TACR1: variants seen among roughly 807,000 people sequenced by gnomAD.
TACR1 encodes the protein tachykinin receptor 1.
Under a neutral mutation model 35.8 loss-of-function variants are expected in TACR1, and 25 were observed. That is an observed-to-expected ratio of 0.70 (90% CI 0.51 to 0.98). The LOEUF (loss-of-function observed/expected upper bound fraction) is 0.98. Ranked by LOEUF, TACR1 falls within the 50% of genes least tolerant of loss-of-function variation. The pLI is 0.00. For synonymous variants in TACR1, 195 were observed against 206.7 expected (o/e 0.94, Z 0.48); for missense variants, 478 against 522.9 (o/e 0.91, Z 0.84).
Position 75,049,426 on chromosome 2 carries a change from T to C in TACR1, c.*6A>G, listed in dbSNP as rs375663081. ...TGGGGGCTGCACCTGCCAAAGGCCC[T>C]GTGGCCTAGGAGAGCACATTGGAGG... On this transcript the variant is annotated 3_prime_UTR_variant, in exon 5 of 5. Coordinates refer to ENST00000305249, the MANE Select transcript of TACR1 (RefSeq NM_001058.4). 1.1e-5 allele frequency: 17 copies of C among 1,606,356 alleles called. No homozygotes were observed. Among genetic ancestry groups the C allele is most frequent in the Non-Finnish European group, 1.4e-5 (16 of 1,173,830 alleles).
intron 1 of TACR1, among the ~76,000 whole-genome samples, chr2:75,121,362 C>T (rs1312900045): frequency 6.6e-6 from 1 of 152,174 alleles, no homozygotes; most frequent in African/African-American, 2.4e-5. Context: ...GCTAACTATA[C>T]ATACTTCGTG....
At chr2:75,093,887 A>G (rs1673359768) in intron 2 of TACR1, among the ~76,000 whole-genome samples, 1 of 152,098 alleles carries the variant, frequency 6.6e-6, no homozygotes, top group Non-Finnish European at 1.5e-5. Flanking sequence ...GGGTATTAGA[A>G]TTGATCTCGT....
At chr2:75,137,466 C>T (rs972429021) in intron 1 of TACR1, among the ~76,000 whole-genome samples, 1 of 151,960 alleles carries the variant, frequency 6.6e-6, no homozygotes, top group Non-Finnish European at 1.5e-5. Flanking sequence ...TGCCTCATGC[C>T]TTTAATCCCA....
intron 1 of TACR1, among the ~76,000 whole-genome samples, chr2:75,180,417 T>C (rs1675534740): frequency 6.6e-6 from 1 of 152,224 alleles, no homozygotes; most frequent in Non-Finnish European, 1.5e-5. Context: ...TTTGCAGTTC[T>C]TGTCACTGAA....
At chr2:75,136,126 G>A (rs1215310207) in intron 1 of TACR1, among the ~76,000 whole-genome samples, 2 of 152,174 alleles carry the variant, frequency 1.3e-5, no homozygotes, top group African/African-American at 4.8e-5. Flanking sequence ...CGGAACTTGG[G>A]CCTTGTAGAA....
chr2:75,105,755 GT>G (rs1673627441), intron 2 of TACR1, among the ~76,000 whole-genome samples: 1 of 151,810 alleles, frequency 6.6e-6, no homozygotes, highest in Non-Finnish European at 1.5e-5. Context: ...CTCTACCTCT[GT>G]TTTTTTCCCT....
chr2:75,179,876 G>A (rs558322752), intron 1 of TACR1, among the ~76,000 whole-genome samples: 1 of 152,274 alleles, frequency 6.6e-6, no homozygotes, highest in African/African-American at 2.4e-5. Context: ...TAAACTGCAT[G>A]ATAAAGCCAT....
Position 75,102,442 on chromosome 2 carries a change from G to C in TACR1, c.584+18132C>G, listed in dbSNP as rs182005577. ...TTATTTGAAGCCAAAGGTTCTAACT[G>C]TAATAGAGTAAATTTTTTTTTTCAG... On this transcript the variant is annotated intron_variant, in intron 2 of 4. Coordinates refer to ENST00000305249, the MANE Select transcript of TACR1 (RefSeq NM_001058.4). Among the ~76,000 whole-genome samples, 28 of 152,262 alleles carry C rather than the reference G, an allele frequency of 1.8e-4. No homozygotes were observed. In the East Asian group the frequency reaches 4.4e-3, roughly 24 times the overall value.
chr2:75,131,219 G>C (rs1382856840), intron 1 of TACR1, among the ~76,000 whole-genome samples: 2 of 151,906 alleles, frequency 1.3e-5, no homozygotes, highest in Non-Finnish European at 2.9e-5. Flanking sequence ...CTCTCGAGTA[G>C]CTGGGACTAC....
chr2:75,151,641 A>G (rs1009737303), intron 1 of TACR1, among the ~76,000 whole-genome samples: 1 of 152,194 alleles, frequency 6.6e-6, no homozygotes, highest in East Asian at 1.9e-4. Flanking sequence ...GGCAGTGTGG[A>G]AGGGAAATGT....
rs1011936405 is a variant in TACR1 at position 75,199,242 on chromosome 2, G to T, written c.-308C>A. The T allele has an allele frequency of 6.0e-6, 2 of 330,850 alleles. No homozygotes were observed. Among genetic ancestry groups the T allele is most frequent in the Non-Finnish European group, 1.1e-5 (2 of 177,076 alleles). 20.5% of individuals were successfully genotyped at this position (330,850 alleles called of 1,614,324 possible). A position where few individuals can be genotyped will look rare whatever the true frequency, so the allele number is the denominator to read the frequency against. On this transcript the variant is annotated 5_prime_UTR_variant, in exon 1 of 5. Coordinates refer to ENST00000305249, the MANE Select transcript of TACR1 (RefSeq NM_001058.4). ...CTGAAAAAGGGAAAGAAATTCCACC[G>T]GTCACAGTTCTAGGAAGCAAGAGAT...
chr2:75,175,491 G>T (rs1056492085), intron 1 of TACR1, among the ~76,000 whole-genome samples: 2 of 152,178 alleles, frequency 1.3e-5, no homozygotes, highest in Non-Finnish European at 2.9e-5. Flanking sequence ...AGATGTCCTT[G>T]CAGAGACTCT....
rs137880714 is a variant in TACR1 at position 75,069,650 on chromosome 2, T to G, written c.585-15895A>C. On this transcript the variant is annotated intron_variant, in intron 2 of 4. Transcript: ENST00000305249. ...TTAAACCCCTTTGGGCTGTGACAGT[T>G]TCTCAGACTTTCCTTGTTTTTGATA... is the stretch of plus-strand genomic sequence containing the variant. 4.9e-3 allele frequency among the ~76,000 whole-genome samples: 740 copies of G among 152,338 alleles called. 12 individuals carry two copies. The highest frequency in any genetic ancestry group is 0.017 in the African/African-American group (717 of 41,588).
intron 1 of TACR1, among the ~76,000 whole-genome samples, chr2:75,155,705 A>G (rs887314531): frequency 2.0e-5 from 3 of 152,272 alleles, no homozygotes; most frequent in African/African-American, 7.2e-5. Context: ...TCATATCCAC[A>G]TAACAAGAGA....
intron 1 of TACR1, among the ~76,000 whole-genome samples, chr2:75,159,664 C>A (rs571500517): frequency 1.3e-5 from 2 of 152,276 alleles, no homozygotes; most frequent in South Asian, 4.1e-4. Context: ...AATTTGACTT[C>A]TAGAATAATA....
intron 1 of TACR1, among the ~76,000 whole-genome samples, chr2:75,186,251 A>T (rs1675694420): frequency 1.3e-5 from 2 of 151,996 alleles, no homozygotes; most frequent in African/African-American, 4.8e-5. Flanking sequence ...TCGCGCCTGT[A>T]ATCCCAGCTA....
chr2:75,111,619 T>C (rs1673751565), intron 2 of TACR1, among the ~76,000 whole-genome samples: 1 of 151,988 alleles, frequency 6.6e-6, no homozygotes. Flanking sequence ...TAAAGAATAC[T>C]ATGCAGCTGT....
intron 1 of TACR1, among the ~76,000 whole-genome samples, chr2:75,181,796 A>G (rs1317923955): frequency 6.6e-6 from 1 of 152,218 alleles, no homozygotes; most frequent in Non-Finnish European, 1.5e-5. Flanking sequence ...TTGATCCTCC[A>G]AGGAGTCATG....
chr2:75,093,082 A>C (rs887679236), intron 2 of TACR1, among the ~76,000 whole-genome samples: 2 of 152,174 alleles, frequency 1.3e-5, no homozygotes, highest in Non-Finnish European at 2.9e-5. Flanking sequence ...TGTGTATCTG[A>C]GAGTGGGACC....
Sources: gnomAD v4.1 joint callset for allele counts (sites outside exome capture counted in the v4.1 genomes callset) on GRCh38, gnomAD v4.1.1 for gene constraint, MANE v1.5 for transcripts, NCBI Gene and HGNC (gene_info 2026-07-23, HGNC 2026-07-21) for gene names.